Variants in MYO7A observed in about 807,000 individuals in gnomAD.
MYO7A encodes unconventional myosin-VIIa.
In MYO7A, 210 loss-of-function variants were observed where a neutral mutation model predicts 263.8. That is an observed-to-expected ratio of 0.80 (90% CI 0.71 to 0.89). MYO7A has a LOEUF of 0.89. MYO7A is among the 40% of genes least tolerant of loss of function. The probability of loss-of-function intolerance (pLI) is 0.00; values close to 1 mark genes in which losing one functional copy is unlikely to be tolerated. For synonymous variants in MYO7A, 1,239 were observed against 1,197.3 expected (o/e 1.03, Z -0.72); for missense variants, 2,820 against 2,968.3 (o/e 0.95, Z 1.16).
At chr11:77,199,113 G>A (rs1387709893) in intron 34 of MYO7A, among the ~76,000 whole-genome samples, 2 of 152,274 alleles carry the variant, frequency 1.3e-5, no homozygotes, top group Non-Finnish European at 2.9e-5. Flanking sequence ...CACCATCTGG[G>A]GCTTGTAGCA....
chr11:77,163,090 A>C, intron 14 of MYO7A, 102 bp downstream of exon 14: 1 of 1,350,826 alleles, frequency 7.4e-7, no homozygotes, highest in Non-Finnish European at 1.0e-6. Context: ...GATTTTTAAA[A>C]ATTGTGATTA....
chr11:77,198,666 G>C (rs375351334), intron 34 of MYO7A, 45 bp downstream of exon 34: 44 of 1,610,426 alleles, frequency 2.7e-5, no homozygotes, highest in Non-Finnish European at 3.6e-5. Flanking sequence ...AGGGGAAGGA[G>C]AGGGGCTGGA....
chr11:77,165,673 A>G (rs1397595549), intron 14 of MYO7A, among the ~76,000 whole-genome samples: 2 of 152,172 alleles, frequency 1.3e-5, no homozygotes, highest in African/African-American at 4.8e-5. Flanking sequence ...TTCCTTTAAT[A>G]TTAGCTTGTA....
In MYO7A at chr11:77,142,691, A is replaced by C; in HGVS notation, c.19-18A>C. ...CCCCTCCCTGCTCACCTGGGCTGAG[A>C]CTCTCTCTCGCCCATAGGGGGACCA... On this transcript the variant is annotated intron_variant, in intron 2 of 48. Coordinates refer to ENST00000409709, the MANE Select transcript of MYO7A (RefSeq NM_000260.4). 6.3e-7 allele frequency: 1 copy of C among 1,590,100 alleles called. No homozygotes were observed. The highest frequency in any genetic ancestry group is 8.6e-7 in the Non-Finnish European group (1 of 1,165,426).
At chr11:77,168,650 C>T (rs190260655) in intron 15 of MYO7A, among the ~76,000 whole-genome samples, 1 of 152,126 alleles carries the variant, frequency 6.6e-6, no homozygotes, top group Non-Finnish European at 1.5e-5. Flanking sequence ...TTAAAATTAG[C>T]TGAACATGGG....
At chr11:77,172,424 C>T (rs554114930) in intron 15 of MYO7A, among the ~76,000 whole-genome samples, 147 of 152,264 alleles carry the variant, frequency 9.7e-4, no homozygotes, top group Non-Finnish European at 1.7e-3. Flanking sequence ...TCAGGGGCTG[C>T]CCCTTGCTCA....
At chr11:77,193,362 CAATGACAG>C (rs1956371432) in intron 31 of MYO7A, among the ~76,000 whole-genome samples, 1 of 127,432 alleles carries the variant, frequency 7.8e-6, no homozygotes, top group African/African-American at 3.2e-5. Context: ...GTGGTGTTGA[CAATGACAG>C]TGTTGTTGGT....
Position 77,160,844 on chromosome 11 carries a change from G to C in MYO7A, c.1201-129G>C, listed in dbSNP as rs1952924167. On this transcript the variant is annotated intron_variant, in intron 11 of 48. Coordinates refer to ENST00000409709, the MANE Select transcript of MYO7A (RefSeq NM_000260.4). ...AGGCAGAGGGAACAGCTCAAGTAAA[G>C]GGTTGGGGGTTTCACACGGCACTTT... 5 of 1,032,074 alleles carry C rather than the reference G, an allele frequency of 4.8e-6. No homozygotes were observed. The East Asian group carries it at 1.3e-4, about 27-fold the overall frequency. 63.9% of individuals were successfully genotyped at this position (1,032,074 alleles called of 1,614,324 possible).
chr11:77,144,970 T>C (rs561142342), intron 3 of MYO7A, among the ~76,000 whole-genome samples: 2 of 152,316 alleles, frequency 1.3e-5, no homozygotes, highest in South Asian at 4.1e-4. Context: ...CTGGCATTTC[T>C]TCAGGCCAGG....
rs139786600 is a variant in MYO7A, at chr11:77,203,318, A to C, written c.5326+101A>C. ...TGAGGGCCTGCTGCGACCCGGGCAC[A>C]CATGGGGAGGGTTGATGGAGTACCC... is the stretch of plus-strand genomic sequence containing the variant. On this transcript the variant is annotated intron_variant, in intron 38 of 48. Coordinates refer to ENST00000409709, the MANE Select transcript of MYO7A (RefSeq NM_000260.4). The C allele has an allele frequency of 6.8e-4, 920 of 1,357,240 alleles. 3 individuals are homozygous for C. The African/African-American group carries it at 0.01, about 15-fold the overall frequency. 84.1% of individuals were successfully genotyped at this position (1,357,240 alleles called of 1,614,324 possible).
chr11:77,132,777 G>T (rs879953807), intron 2 of MYO7A, among the ~76,000 whole-genome samples: 3 of 152,156 alleles, frequency 2.0e-5, no homozygotes, highest in Admixed American at 2.0e-4. Flanking sequence ...GTGAGCCACC[G>T]CACCAGGTGG....
intron 43 of MYO7A, 51 bp from the exon 44 acceptor site, chr11:77,208,646 G>C: frequency 1.3e-6 from 2 of 1,511,690 alleles, no homozygotes; most frequent in Non-Finnish European, 1.8e-6. Context: ...CGGGACGTGA[G>C]CACTCCTCTG....
intron 9 of MYO7A, among the ~76,000 whole-genome samples, chr11:77,158,886 C>T (rs896934442): frequency 5.3e-5 from 8 of 152,190 alleles, no homozygotes; most frequent in African/African-American, 1.9e-4. Flanking sequence ...AGGTGATCCC[C>T]TGAGGCAGGT....
At chr11:77,158,158 GCCC>G in intron 8 of MYO7A, 116 bp from the exon 9 acceptor site, 1 of 1,203,956 alleles carries the variant, frequency 8.3e-7, no homozygotes, top group Non-Finnish European at 1.1e-6. Flanking sequence ...AGCGCCTGGG[GCCC>G]CGGGCTGGCC....
At chr11:77,170,263 G>A (rs1342997703) in intron 15 of MYO7A, among the ~76,000 whole-genome samples, 1 of 152,182 alleles carries the variant, frequency 6.6e-6, no homozygotes, top group Non-Finnish European at 1.5e-5. Flanking sequence ...GGAAGAATGT[G>A]CCCAGCCACA....
At chr11:77,146,654 G>C (rs891316319) in intron 3 of MYO7A, among the ~76,000 whole-genome samples, 2 of 152,106 alleles carry the variant, frequency 1.3e-5, no homozygotes, top group African/African-American at 2.4e-5. Flanking sequence ...AGGAGCAGGT[G>C]GGGGAGGACA....
chr11:77,191,987 C>T lies in MYO7A; in HGVS notation c.3925-64C>T, dbSNP rs1219119539. The stretch of plus-strand genomic sequence containing the variant: ...TTCTGTCTGAACTGACCGTTGGCCC[C>T]GTTGAGGCTCCTCATAGTCCTTCCC... On this transcript the variant is annotated intron_variant, in intron 30 of 48. Coordinates refer to ENST00000409709, the MANE Select transcript of MYO7A (RefSeq NM_000260.4). 13 of 1,439,228 alleles carry T rather than the reference C, an allele frequency of 9.0e-6. 1 individual carries two copies. The highest frequency in any genetic ancestry group is 4.8e-5 in the East Asian group (2 of 41,996). The allele number at this position is 1,439,228 out of a possible 1,614,324, so 89.2% of individuals were successfully genotyped here.
chr11:77,203,328 G>T (rs1412322795), intron 38 of MYO7A, 111 bp downstream of exon 38: 2 of 1,231,436 alleles, frequency 1.6e-6, no homozygotes, highest in East Asian at 5.1e-5. Context: ...ACATGGGGAG[G>T]GTTGATGGAG....
chr11:77,196,546 CA>C (rs1440148976), intron 32 of MYO7A, among the ~76,000 whole-genome samples: 1 of 152,148 alleles, frequency 6.6e-6, no homozygotes, highest in Non-Finnish European at 1.5e-5. Flanking sequence ...ATTGCACGTT[CA>C]AAAAAGTAGG....
Sources: gnomAD v4.1 joint callset for allele counts (sites outside exome capture counted in the v4.1 genomes callset) on GRCh38, gnomAD v4.1.1 for gene constraint, MANE v1.5 for transcripts, NCBI Gene and HGNC (gene_info 2026-07-23, HGNC 2026-07-21) for gene names.